PLXDC2: variants seen among roughly 807,000 people sequenced by gnomAD.
The protein encoded by PLXDC2 is plexin domain containing 2.
A neutral mutation model predicts 68.9 loss-of-function variants in PLXDC2; 40 were observed. The observed-to-expected ratio is 0.58, with a 90% CI of 0.45 to 0.76. PLXDC2 has a LOEUF of 0.76. Ranked by LOEUF, PLXDC2 falls within the 30% of genes least tolerant of loss-of-function variation. The pLI is 0.00. For missense variants in PLXDC2, 644 were observed against 661.9 expected (o/e 0.97, Z 0.30); for synonymous variants, 243 against 234.2 (o/e 1.04, Z -0.34).
intron 1 of PLXDC2, among the ~76,000 whole-genome samples, chr10:19,895,636 C>T (rs1838044225): frequency 6.6e-6 from 1 of 152,008 alleles, no homozygotes; most frequent in East Asian, 1.9e-4. Context: ...CCCATTTTAC[C>T]CACTCAGTAG....
At chr10:19,989,015 G>A (rs1834700118) in intron 1 of PLXDC2, among the ~76,000 whole-genome samples, 1 of 151,618 alleles carries the variant, frequency 6.6e-6, no homozygotes, top group Non-Finnish European at 1.5e-5. Context: ...AGTGTGGCTG[G>A]TCTCAAACTC....
chr10:19,948,619 G>A (rs1833943461), intron 1 of PLXDC2, among the ~76,000 whole-genome samples: 1 of 151,894 alleles, frequency 6.6e-6, no homozygotes, highest in African/African-American at 2.4e-5. Flanking sequence ...AATGCTCTGA[G>A]CTCTGAAGGA....
At chr10:19,963,052 C>T (rs1293031551) in intron 1 of PLXDC2, among the ~76,000 whole-genome samples, 2 of 150,942 alleles carry the variant, frequency 1.3e-5, no homozygotes, top group African/African-American at 2.4e-5. Context: ...TAGGCTGTAG[C>T]TCAGAGCCCT....
chr10:20,032,841 A>G lies in PLXDC2; in HGVS notation c.325-14028A>G, dbSNP rs1299391803. 4.0e-5 allele frequency among the ~76,000 whole-genome samples: 6 copies of G among 151,848 alleles called. No individual in the cohort carries two copies. In the South Asian group the frequency reaches 1.2e-3, roughly 32 times the overall value. ...ATATAATATATATTATGTGCCAAGC[A>G]GAGGACTTGGGAATATCATAGGTAC... is the stretch of plus-strand genomic sequence containing the variant. On this transcript the variant is annotated intron_variant, in intron 2 of 13. Transcript: ENST00000377252.
intron 2 of PLXDC2, 59 bp from the exon 3 acceptor site, chr10:20,046,810 T>A (rs1589603708): frequency 1.3e-6 from 2 of 1,494,164 alleles, no homozygotes; most frequent in Admixed American, 2.3e-5. Context: ...GGATTTTTTT[T>A]AAAGAATTGT....
At chr10:20,039,907 T>C (rs917280617) in intron 2 of PLXDC2, among the ~76,000 whole-genome samples, 3 of 152,148 alleles carry the variant, frequency 2.0e-5, no homozygotes, top group Non-Finnish European at 2.9e-5. Context: ...CATATTTGAA[T>C]AGATGCAACT....
At chr10:20,272,644 C>A (rs1217556098) in intron 13 of PLXDC2, among the ~76,000 whole-genome samples, 1 of 152,152 alleles carries the variant, frequency 6.6e-6, no homozygotes, top group Non-Finnish European at 1.5e-5. Context: ...GTTGCATCAT[C>A]TTGAGAGAAT....
intron 2 of PLXDC2, among the ~76,000 whole-genome samples, chr10:20,033,418 G>A (rs1265197792): frequency 6.6e-6 from 1 of 152,020 alleles, no homozygotes; most frequent in Non-Finnish European, 1.5e-5. Context: ...CTTCATTTTG[G>A]CATTCCAAGT....
At chr10:19,952,841 T>A (rs1401730516) in intron 1 of PLXDC2, among the ~76,000 whole-genome samples, 1 of 152,214 alleles carries the variant, frequency 6.6e-6, no homozygotes, top group East Asian at 1.9e-4. Flanking sequence ...TAAACAGGTT[T>A]ACCTGTTTTT....
intron 1 of PLXDC2, among the ~76,000 whole-genome samples, chr10:19,976,796 T>G (rs915175463): frequency 6.6e-6 from 1 of 151,998 alleles, no homozygotes; most frequent in African/African-American, 2.4e-5. Context: ...TCTGAGGCCT[T>G]CTGGAATAAT....
intron 4 of PLXDC2, among the ~76,000 whole-genome samples, chr10:20,084,921 GT>G (rs1215692673): frequency 1.3e-5 from 2 of 151,512 alleles, no homozygotes; most frequent in African/African-American, 4.8e-5. Context: ...TTCTGGAAAA[GT>G]ATCCCTATCG....
chr10:20,279,745 T>A lies in PLXDC2; in HGVS notation c.1516T>A (p.Ser506Thr). The change falls in exon 14 of 14, where the codon TCT (serine) becomes ACT (threonine). Residue 506 changes from serine (S) to threonine (T), a missense_variant. Physicochemically the swap from Ser to Thr is moderately conservative, Grantham distance 58. Around this residue, in one of 3 missense-constraint regions of PLXDC2, gnomAD observed 330 missense variants for 327.9 expected, o/e 1.01. Transcript: ENST00000377252. The stretch of plus-strand genomic sequence containing the variant: ...GCCTGCGATGAAGTTTAGAAGAGGC[T>A]CTGGACATCCTGCCTATGCTGAAGT... ...RWPAMKFRRG[S>T]GHPAYAEVEP... The A allele has an allele frequency of 6.2e-7, 1 of 1,614,002 alleles. No individual in the cohort carries two copies. Among genetic ancestry groups the A allele is most frequent in the Non-Finnish European group, 8.5e-7 (1 of 1,179,938 alleles).
chr10:20,226,188 T>C (rs372546237), intron 12 of PLXDC2, among the ~76,000 whole-genome samples: 5 of 152,242 alleles, frequency 3.3e-5, no homozygotes, highest in African/African-American at 1.2e-4. Context: ...TTTCTACATG[T>C]AGAAACTACA....
intron 10 of PLXDC2, among the ~76,000 whole-genome samples, chr10:20,215,806 A>C (rs956312683): frequency 9.2e-5 from 14 of 152,196 alleles, no homozygotes; most frequent in Non-Finnish European, 2.1e-4. Context: ...CTTGCTGATC[A>C]TGCCTATTTA....
chr10:19,912,058 C>T (rs1285898333), intron 1 of PLXDC2, among the ~76,000 whole-genome samples: 2 of 152,168 alleles, frequency 1.3e-5, no homozygotes, highest in Non-Finnish European at 2.9e-5. Flanking sequence ...TTTTCTCAAA[C>T]TGATTCCACA....
intron 1 of PLXDC2, among the ~76,000 whole-genome samples, chr10:19,984,660 A>T (rs1358057241): frequency 6.6e-6 from 1 of 152,162 alleles, no homozygotes; most frequent in East Asian, 1.9e-4. Flanking sequence ...CAGACAGTAT[A>T]AGTTTATGAC....
chr10:20,078,026 T>C (rs2131717544), intron 4 of PLXDC2, among the ~76,000 whole-genome samples: 1 of 152,290 alleles, frequency 6.6e-6, no homozygotes, highest in South Asian at 2.1e-4. Flanking sequence ...ACAACTATTT[T>C]TCAAATCTTT....
At chr10:20,232,829 A>T (rs181163196) in intron 12 of PLXDC2, among the ~76,000 whole-genome samples, 30 of 152,312 alleles carry the variant, frequency 2.0e-4, no homozygotes, top group Admixed American at 8.5e-4. Flanking sequence ...ATACAGTTAT[A>T]AAAATTTGGC....
chr10:19,974,091 A>C (rs1834407234), intron 1 of PLXDC2, among the ~76,000 whole-genome samples: 1 of 152,226 alleles, frequency 6.6e-6, no homozygotes, highest in African/African-American at 2.4e-5. Context: ...TGAGAGCCTA[A>C]AAGGGTGGAA....
Sources: allele counts gnomAD v4.1 joint callset (sites outside exome capture counted in the v4.1 genomes callset), GRCh38; gene constraint gnomAD v4.1.1; regional missense constraint gnomAD v4.1.1; transcripts MANE v1.5; gene names NCBI Gene and HGNC (gene_info 2026-07-23, HGNC 2026-07-21).